PCDHGB5: variants seen among roughly 807,000 people sequenced by gnomAD.
PCDHGB5 encodes protocadherin gamma-B5.
In PCDHGB5, 48 loss-of-function variants were observed where a neutral mutation model predicts 62.9. The observed-to-expected ratio is 0.76, with a 90% CI of 0.61 to 0.97. The LOEUF is 0.97. PCDHGB5 is among the 50% of genes least tolerant of loss of function. The pLI is 0.00. For synonymous variants in PCDHGB5, 474 were observed against 511.2 expected, an observed-to-expected ratio of 0.93 and a Z score of 0.98; for missense variants, 1,118 against 1,198.6, an observed-to-expected ratio of 0.93 and a Z score of 0.99.
intron 1 of PCDHGB5, chr5:141,411,845 G>C (rs984420523): frequency 6.6e-6 from 1 of 151,920 alleles, no homozygotes; most frequent in Non-Finnish European, 1.5e-5. Context: ...AGGTGACAGA[G>C]TGAGACCCTG....
At chr5:141,467,704 C>T (rs2099149502) in intron 1 of PCDHGB5, among the ~76,000 whole-genome samples, 2 of 152,174 alleles carry the variant, frequency 1.3e-5, no homozygotes. Flanking sequence ...CTCTGTTGCC[C>T]AGGCTGGAGT....
rs766784928 is a variant in PCDHGB5, at chr5:141,431,447, G to T, written c.2397+30923G>T. ...GCGCACAGGCACCGCGCGCATCCGC[G>T]TGATGGTTCTGGATGCGAACGACAA... On this transcript the variant is annotated intron_variant, in intron 1 of 3. Coordinates refer to ENST00000617380, the MANE Select transcript of PCDHGB5 (RefSeq NM_018925.3). The surrounding 1 kb of genome is among the most constrained non-coding windows in gnomAD (Gnocchi z 4.8). 2 of 1,613,792 alleles carry T rather than the reference G, an allele frequency of 1.2e-6. No individual in the cohort carries two copies. The highest frequency in any genetic ancestry group is 1.7e-6 in the Non-Finnish European group (2 of 1,180,014).
At chr5:141,472,412 G>C (rs1283620276) in intron 1 of PCDHGB5, among the ~76,000 whole-genome samples, 1 of 152,058 alleles carries the variant, frequency 6.6e-6, no homozygotes, top group Non-Finnish European at 1.5e-5. Context: ...GTGGTGGCAC[G>C]CACCTGTATC....
At chr5:141,450,829 A>ATTAT (rs1554136902) in intron 1 of PCDHGB5, among the ~76,000 whole-genome samples, 14 of 135,142 alleles carry the variant, frequency 1.0e-4, no homozygotes, top group African/African-American at 3.3e-4. Context: ...TATTATTATT[A>ATTAT]TTTTTTTTTT....
In PCDHGB5 at chr5:141,505,466, T is replaced by C. The variant is rs763151131; in HGVS notation, c.2530T>C (p.Leu844=). 1 of 1,614,200 alleles carries C rather than the reference T, an allele frequency of 6.2e-7. No individual in the cohort carries two copies. The highest frequency in any genetic ancestry group is 1.3e-5 in the African/African-American group (1 of 75,068). The part of the protein sequence containing the change: ...FDTEMLQAMI[L]ASASEAADGS... Reference sequence around the variant, plus strand: ...CACAGAGATGCTGCAAGCCATGATCTTGGCGTCCGCCAGTGGTAAGTGGTG... The same window carrying C: ...CACAGAGATGCTGCAAGCCATGATCCTGGCGTCCGCCAGTGGTAAGTGGTG... The change falls in exon 3 of 4, where the codon TTG becomes CTG. Residue 844 remains leucine, a synonymous_variant. Transcript: ENST00000617380.
chr5:141,403,136 C>T, intron 1 of PCDHGB5: 1 of 1,614,006 alleles, frequency 6.2e-7, no homozygotes, highest in South Asian at 1.1e-5. Flanking sequence ...GCTGGCGGAG[C>T]GCCGAGTCCG....
intron 1 of PCDHGB5, chr5:141,403,454 C>T: frequency 6.2e-7 from 1 of 1,614,054 alleles, no homozygotes; most frequent in Non-Finnish European, 8.5e-7. Context: ...GAACTCCCTC[C>T]AGAGCTACCA....
Position 141,491,456 on chromosome 5 carries a change from C to A in PCDHGB5, c.2398-3351C>A. ...TGCAGGCGCCAGGACTCACCCTCCC[C>A]GGACTTCTATAAGCAGTCCAGCCCC... On this transcript the variant is annotated intron_variant, in intron 1 of 3. Coordinates refer to ENST00000617380, the MANE Select transcript of PCDHGB5 (RefSeq NM_018925.3). The surrounding 1 kb of genome is among the most constrained non-coding windows in gnomAD (Gnocchi z 6.9). 1.2e-6 allele frequency: 2 copies of A among 1,614,104 alleles called. No homozygotes were observed.
chr5:141,428,007 A>G, intron 1 of PCDHGB5: 1 of 1,602,018 alleles, frequency 6.2e-7, no homozygotes, highest in Non-Finnish European at 8.5e-7. Flanking sequence ...ACTCTTCGAT[A>G]TAGTGCCACG....
Position 141,476,140 on chromosome 5 carries a change from C to G in PCDHGB5, c.2398-18667C>G. On this transcript the variant is annotated intron_variant, in intron 1 of 3. Coordinates refer to ENST00000617380, the MANE Select transcript of PCDHGB5 (RefSeq NM_018925.3). This position sits in a 1 kb window ranked among gnomAD's most constrained non-coding sequence, Gnocchi z 7.6. ...AGATGGTCCCAGAGGCCTGGAGGAGCGGACTGGTAAGCACCGGGAGGGTAG... is the reference window on the plus strand; with the variant it reads ...AGATGGTCCCAGAGGCCTGGAGGAGGGGACTGGTAAGCACCGGGAGGGTAG... The G allele has an allele frequency of 2.5e-6, 4 of 1,609,222 alleles. No individual in the cohort carries two copies. Among genetic ancestry groups the G allele is most frequent in the Non-Finnish European group, 1.7e-6 (2 of 1,178,484 alleles).
At chr5:141,421,789 G>A (rs756677817) in intron 1 of PCDHGB5, 5 of 1,613,830 alleles carry the variant, frequency 3.1e-6, no homozygotes, top group East Asian at 2.2e-5. Context: ...GGGCAGAACG[G>A]ATGGGGCCAA....
At chr5:141,444,329 G>A (rs536314842) in intron 1 of PCDHGB5, among the ~76,000 whole-genome samples, 17 of 151,674 alleles carry the variant, frequency 1.1e-4, no homozygotes, top group Admixed American at 1.1e-3. Flanking sequence ...GTGCCACCAC[G>A]CCCAGCTAAT....
intron 2 of PCDHGB5, among the ~76,000 whole-genome samples, chr5:141,499,214 C>T (rs1228581603): frequency 6.6e-6 from 1 of 152,074 alleles, no homozygotes; most frequent in Non-Finnish European, 1.5e-5. Flanking sequence ...TAACCCAGGC[C>T]CTGCCCTGCA....
At chr5:141,421,148 G>A (rs1334539595) in intron 1 of PCDHGB5, 2 of 1,056,062 alleles carry the variant, frequency 1.9e-6, no homozygotes, top group African/African-American at 1.6e-5. Context: ...GATGTAGTCG[G>A]CCTAGGACTT....
intron 1 of PCDHGB5, chr5:141,402,998 C>G: frequency 6.2e-7 from 1 of 1,613,908 alleles, no homozygotes; most frequent in Non-Finnish European, 8.5e-7. Context: ...ATTAGTCCTG[C>G]TATGCTCGCT....
intron 2 of PCDHGB5, among the ~76,000 whole-genome samples, chr5:141,495,440 A>G (rs2099761377): frequency 6.6e-6 from 1 of 151,898 alleles, no homozygotes; most frequent in African/African-American, 2.4e-5. Context: ...CTCTGCCCCT[A>G]CTTGTCCTGC....
chr5:141,404,610 T>C lies in PCDHGB5; in HGVS notation c.2397+4086T>C, dbSNP rs1207198913. ...AATGTGTCATTGAGACTGTTTGTTTTGGACCAGAATGACAATGCCCCAGAA... is the reference window on the plus strand; with the variant it reads ...AATGTGTCATTGAGACTGTTTGTTTCGGACCAGAATGACAATGCCCCAGAA... On this transcript the variant is annotated intron_variant, in intron 1 of 3. Transcript: ENST00000617380. 1 of 1,614,130 alleles carries C rather than the reference T, an allele frequency of 6.2e-7. No homozygotes were observed. Among genetic ancestry groups the C allele is most frequent in the African/African-American group, 1.3e-5 (1 of 75,054 alleles).
At position 141,476,001 on chromosome 5, in the gene PCDHGB5, C is replaced by G; in HGVS notation, c.2398-18806C>G. The G allele has an allele frequency of 8.1e-7, 1 of 1,235,348 alleles. No homozygotes were observed. Among genetic ancestry groups the G allele is most frequent in the Non-Finnish European group, 1.1e-6 (1 of 894,008 alleles). 76.5% of individuals were successfully genotyped at this position (1,235,348 alleles called of 1,614,324 possible). On this transcript the variant is annotated intron_variant, in intron 1 of 3. Transcript: ENST00000617380. The surrounding 1 kb of genome is among the most constrained non-coding windows in gnomAD (Gnocchi z 7.6). ...CAGCCGGCGAGCAAATCAACGGCATCCAGAAAGCCATGTCGGACTCGGCGC... is the reference window on the plus strand; with the variant it reads ...CAGCCGGCGAGCAAATCAACGGCATGCAGAAAGCCATGTCGGACTCGGCGC...
At chr5:141,420,006 GAC>G (rs745722189) in intron 1 of PCDHGB5, 1 of 1,613,936 alleles carries the variant, frequency 6.2e-7, no homozygotes, top group African/African-American at 1.3e-5. Flanking sequence ...CTACGCCTGC[GAC>G]AGTCTTTCAG....
Sources: allele counts gnomAD v4.1 joint callset (sites outside exome capture counted in the v4.1 genomes callset), GRCh38; gene constraint gnomAD v4.1.1; non-coding constraint Gnocchi (gnomAD v3.1); transcripts MANE v1.5; gene names NCBI Gene and HGNC (gene_info 2026-07-23, HGNC 2026-07-21).